The following ANKFY1 variants were observed in gnomAD, a reference collection of about 807,000 sequenced individuals.
ANKFY1 encodes the protein ankyrin repeat and FYVE domain containing 1.
In ANKFY1, 47 loss-of-function variants were observed where a neutral mutation model predicts 128.3. The observed-to-expected ratio is 0.37, with a 90% CI of 0.29 to 0.47. The LOEUF (loss-of-function observed/expected upper bound fraction) is 0.47, where lower values mean the gene tolerates loss of function less well. Among genes scored for constraint, ANKFY1 ranks in the 20% least tolerant of loss-of-function variants. The probability of loss-of-function intolerance (pLI) is 1.00; values close to 1 mark genes in which losing one functional copy is unlikely to be tolerated. For missense variants in ANKFY1, 1,222 were observed against 1,510.6 expected, an observed-to-expected ratio of 0.81 and a Z score of 3.17; for synonymous variants, 553 against 601.6, an observed-to-expected ratio of 0.92 and a Z score of 1.18.
At chr17:4,239,995 T>C (rs9915670) in intron 2 of ANKFY1, among the ~76,000 whole-genome samples, 53,554 of 151,384 alleles carry the variant, frequency 0.35, 9,653 homozygotes, top group Admixed American at 0.41. Context: ...TCCTGGACTA[T>C]ACGCAACATC....
intron 16 of ANKFY1, chr17:4,180,230 C>T (rs548507122): frequency 1.0e-5 from 2 of 191,180 alleles, no homozygotes; most frequent in Non-Finnish European, 2.2e-5. Context: ...GAGTCCACGA[C>T]CAGCCTGGCC....
At position 4,169,753 on chromosome 17, in the gene ANKFY1, A is replaced by T. The variant is rs981871022; in HGVS notation, c.3287-465T>A. On this transcript the variant is annotated intron_variant, in intron 23 of 24. Coordinates refer to ENST00000341657, the MANE Select transcript of ANKFY1 (RefSeq NM_001330063.2). This position sits in a 1 kb window ranked among gnomAD's most constrained non-coding sequence, Gnocchi z 5.0. ...ACGGGTGATTTCCAGGCTTCCGGAG[A>T]GTGCCTGGGTCTGCAGTGGGACCAT... Among the ~76,000 whole-genome samples the T allele has an allele frequency of 6.6e-6, 1 of 152,140 alleles. No homozygotes were observed. The highest frequency in any genetic ancestry group is 2.4e-5 in the African/African-American group (1 of 41,428).
chr17:4,259,057 T>C (rs921631722), intron 1 of ANKFY1, among the ~76,000 whole-genome samples: 3 of 152,302 alleles, frequency 2.0e-5, no homozygotes, highest in Admixed American at 6.5e-5. Context: ...GGGAAAAGCA[T>C]CAGTCGCTGT....
chr17:4,245,588 AC>A (rs1046535130), intron 1 of ANKFY1, among the ~76,000 whole-genome samples: 12 of 151,780 alleles, frequency 7.9e-5, no homozygotes, highest in African/African-American at 2.9e-4. Flanking sequence ...CAAGCGACCC[AC>A]CTGCCTCTGC....
intron 2 of ANKFY1, among the ~76,000 whole-genome samples, chr17:4,240,873 T>G (rs570083717): frequency 6.6e-6 from 1 of 152,302 alleles, no homozygotes; most frequent in Admixed American, 6.5e-5. Context: ...ACTGGCCCCC[T>G]CCCTGTCATC....
chr17:4,207,157 C>T (rs1181471666), intron 6 of ANKFY1, among the ~76,000 whole-genome samples: 2 of 151,396 alleles, frequency 1.3e-5, no homozygotes, highest in South Asian at 2.1e-4. Context: ...GGGCCCGACC[C>T]GTCTAACCAC....
chr17:4,255,840 G>A (rs775802500), intron 1 of ANKFY1, among the ~76,000 whole-genome samples: 1 of 149,484 alleles, frequency 6.7e-6, no homozygotes, highest in Non-Finnish European at 1.5e-5. Flanking sequence ...CTTTTGAAAC[G>A]GAGTCTCACT....
At chr17:4,213,500 A>C (rs1259774846) in intron 4 of ANKFY1, among the ~76,000 whole-genome samples, 1 of 152,104 alleles carries the variant, frequency 6.6e-6, no homozygotes, top group African/African-American at 2.4e-5. Context: ...AGTAAGTTAC[A>C]TTAGTAAGTT....
rs771559155 is a variant in ANKFY1, at chr17:4,181,365, T to C, written c.2129A>G (p.His710Arg). ...ACCCCAGCATGTGGCATCACAGCCA[T>C]GTCTGACCTGCAGAAAAACATAGGT... ...LEDIASTLVR[H>R]GCDATCWGPG... The change falls in exon 16 of 25, where the codon CAT (histidine) becomes CGT (arginine). Residue 710 changes from histidine to arginine, a missense_variant. By Grantham distance (29) the His-to-Arg change is conservative. Transcript: ENST00000341657. This position sits in a 1 kb window ranked among gnomAD's most constrained non-coding sequence, Gnocchi z 4.9. 3.1e-6 allele frequency: 5 copies of C among 1,613,434 alleles called. No homozygotes were observed. The Admixed American group carries it at 6.7e-5, about 22-fold the overall frequency.
intron 23 of ANKFY1, among the ~76,000 whole-genome samples, chr17:4,170,153 A>G (rs8070159): frequency 0.27 from 40,772 of 152,150 alleles, 5,962 homozygotes; most frequent in Non-Finnish European, 0.33. Flanking sequence ...TCGCCATCCC[A>G]TGGCTACCGG....
intron 2 of ANKFY1, among the ~76,000 whole-genome samples, chr17:4,240,344 C>T (rs1967142339): frequency 2.0e-5 from 3 of 151,494 alleles, no homozygotes; most frequent in African/African-American, 4.9e-5. Context: ...GGATTACAGG[C>T]GTAAGCCACC....
intron 5 of ANKFY1, 150 bp downstream of exon 5, chr17:4,209,674 T>C (rs138864281): frequency 2.0e-4 from 177 of 899,334 alleles, no homozygotes; most frequent in Non-Finnish European, 2.6e-4. Context: ...AAGAGTCTCA[T>C]AGATCATCTA....
intron 24 of ANKFY1, chr17:4,168,993 A>G: frequency 1.9e-6 from 1 of 534,398 alleles, no homozygotes; most frequent in South Asian, 2.5e-5. Context: ...CAGGAAAGCC[A>G]CCCGTCTGCA....
rs1419216011 is a variant in ANKFY1 at position 4,182,276 on chromosome 17, T to C, written c.2026A>G (p.Thr676Ala). The change falls in exon 15 of 25, where the codon ACC becomes GCC. Residue 676 changes from threonine to alanine, a missense_variant. Thr to Ala is a moderately conservative substitution (Grantham distance 58). Transcript: ENST00000341657. ...QLPLVVDAIC[T>A]RGADMSVPDE... is the part of the protein sequence containing the mutation. Reference sequence around the variant, plus strand: ...GGCACAGACATGTCAGCTCCTCGGGTGCATATGGCATCAACTACGAGTGGA... The same window carrying C: ...GGCACAGACATGTCAGCTCCTCGGGCGCATATGGCATCAACTACGAGTGGA... The C allele has an allele frequency of 3.8e-6, 6 of 1,595,952 alleles. No homozygotes were observed. The highest frequency in any genetic ancestry group is 1.2e-5 in the South Asian group (1 of 86,016).
intron 4 of ANKFY1, among the ~76,000 whole-genome samples, chr17:4,213,315 G>C (rs932063277): frequency 2.0e-5 from 3 of 151,594 alleles, no homozygotes; most frequent in Non-Finnish European, 2.9e-5. Flanking sequence ...TCAGCCTCCA[G>C]AGTAGCTGGG....
intron 1 of ANKFY1, chr17:4,263,450 C>T (rs1368055547): frequency 1.6e-6 from 2 of 1,232,948 alleles, no homozygotes; most frequent in African/African-American, 1.6e-5. Flanking sequence ...TGGGCCAGCT[C>T]GCTGCTGCCT....
intron 7 of ANKFY1, among the ~76,000 whole-genome samples, chr17:4,202,270 A>C (rs2059941473): frequency 6.6e-6 from 1 of 152,010 alleles, no homozygotes; most frequent in South Asian, 2.1e-4. Flanking sequence ...GCGTAGTGGC[A>C]TGTGCCTGTA....
At chr17:4,172,480 G>A (rs1219533198) in intron 22 of ANKFY1, 76 bp downstream of exon 22, 16 of 1,561,188 alleles carry the variant, frequency 1.0e-5, no homozygotes, top group South Asian at 4.8e-5. Context: ...AGATAACGAC[G>A]TGTGCCTGGG....
intron 3 of ANKFY1, among the ~76,000 whole-genome samples, chr17:4,226,399 C>A (rs556132607): frequency 1.3e-5 from 2 of 151,874 alleles, no homozygotes; most frequent in Non-Finnish European, 2.9e-5. Context: ...TGGTGGCATG[C>A]GCTTATAGTC....
Sources: gnomAD v4.1 joint callset for allele counts (sites outside exome capture counted in the v4.1 genomes callset) on GRCh38, gnomAD v4.1.1 for gene constraint, Gnocchi (gnomAD v3.1) non-coding constraint, MANE v1.5 for transcripts, NCBI Gene and HGNC (gene_info 2026-07-23, HGNC 2026-07-21) for gene names.